Variants in DNAH1 observed in about 807,000 individuals in gnomAD.
DNAH1 encodes axonemal beta dynein heavy chain 1.
In DNAH1, 327 loss-of-function variants were observed where a neutral mutation model predicts 484.3. The ratio of observed to expected loss-of-function variants is 0.68; its 90% CI spans 0.62 to 0.74. The LOEUF is 0.74. Among genes scored for constraint, DNAH1 ranks in the 30% least tolerant of loss-of-function variants. DNAH1 has a pLI of 0.00. For missense variants in DNAH1, 5,052 were observed against 5,546.8 expected (o/e 0.91, Z 2.83); for synonymous variants, 2,192 against 2,191.9 (o/e 1.00, Z 0.00).
intron 46 of DNAH1, among the ~76,000 whole-genome samples, 167 bp from the exon 47 acceptor site, chr3:52,378,435 T>G (rs1344625755): frequency 1.4e-5 from 2 of 146,646 alleles, no homozygotes; most frequent in African/African-American, 5.1e-5. Context: ...TCCCCCAAGC[T>G]GGGGGCATCC....
At position 52,396,537 on chromosome 3, in the gene DNAH1, A is replaced by G. The variant is rs1474847596; in HGVS notation, c.11429A>G (p.Lys3810Arg). ...GAAGACTTCCTCAACTCCTGCCACA[A>G]GGTGAGGCACACTTGGTGCAGGCCT... ...LGEDFLNSCH[K>R]VMEFKSLLLS... Residue 3810 changes from lysine (K) to arginine (R), a missense_variant and splice_region_variant, in exon 71 of 78, where the codon AAG becomes AGG. Transcript: ENST00000420323. 3 of 1,612,598 alleles carry G rather than the reference A, an allele frequency of 1.9e-6. No individual in the cohort carries two copies. Among genetic ancestry groups the G allele is most frequent in the South Asian group, 2.2e-5 (2 of 90,956 alleles).
rs532814079 is a variant in DNAH1 at position 52,389,295 on chromosome 3, G to A, written c.9496-166G>A. Reference sequence around the variant, plus strand: ...CCCGTTTCACAGATGAAGGGCTGAGGTTTGTGGAGGCCAAGAAAGTCACCC... The same window carrying A: ...CCCGTTTCACAGATGAAGGGCTGAGATTTGTGGAGGCCAAGAAAGTCACCC... On this transcript the variant is annotated intron_variant, in intron 59 of 77. Transcript: ENST00000420323. Among the ~76,000 whole-genome samples the A allele has an allele frequency of 3.3e-5, 5 of 152,092 alleles. No homozygotes were observed. The Admixed American group carries it at 3.3e-4, about 10-fold the overall frequency.
chr3:52,384,138 G>T (rs1703992917), intron 52 of DNAH1, 107 bp downstream of exon 52: 3 of 1,218,368 alleles, frequency 2.5e-6, no homozygotes, highest in African/African-American at 3.1e-5. Flanking sequence ...ACCACCGAGG[G>T]TAAGCTTTTG....
chr3:52,390,152 G>T (rs569846651), intron 60 of DNAH1, among the ~76,000 whole-genome samples: 6 of 152,196 alleles, frequency 3.9e-5, no homozygotes, highest in Middle Eastern at 3.4e-3. Context: ...TTGGGTGGAG[G>T]TTGAGAAACA....
intron 44 of DNAH1, chr3:52,374,257 T>C: frequency 6.7e-7 from 1 of 1,494,204 alleles, no homozygotes; most frequent in Non-Finnish European, 9.3e-7. Flanking sequence ...GTATAATTAA[T>C]GGATTTGCCT....
At chr3:52,338,946 A>G (rs1002404086) in intron 8 of DNAH1, among the ~76,000 whole-genome samples, 2 of 151,326 alleles carry the variant, frequency 1.3e-5, no homozygotes, top group African/African-American at 4.9e-5. Flanking sequence ...AGGCAGGAGA[A>G]TTGCTTGAAC....
chr3:52,348,000 C>A, intron 12 of DNAH1, 26 bp downstream of exon 12: 1 of 1,588,228 alleles, frequency 6.3e-7, no homozygotes, highest in South Asian at 1.1e-5. Context: ...TGAGCAGGCC[C>A]CAGGCACCTG....
intron 9 of DNAH1, 87 bp from the exon 10 acceptor site, chr3:52,345,408 C>A: frequency 8.8e-7 from 1 of 1,138,592 alleles, no homozygotes; most frequent in Non-Finnish European, 1.3e-6. Flanking sequence ...GAGTCATGGC[C>A]CTCCTTCAAG....
Position 52,345,440 on chromosome 3 carries a change from C to T in DNAH1, c.1445-55C>T, listed in dbSNP as rs904677146. Reference sequence around the variant, plus strand: ...CAAGCACCCTGTGGATCTGTCCTGTCCCCTGGTTTGGCCAGGCAGGGTCTG... The same window carrying T: ...CAAGCACCCTGTGGATCTGTCCTGTTCCCTGGTTTGGCCAGGCAGGGTCTG... On this transcript the variant is annotated intron_variant, in intron 9 of 77. Transcript: ENST00000420323. 1.3e-5 allele frequency: 19 copies of T among 1,456,794 alleles called. No individual in the cohort carries two copies. The East Asian group carries it at 3.7e-4, about 28-fold the overall frequency. The allele number at this position is 1,456,794 out of a possible 1,614,324, so 90.2% of individuals were successfully genotyped here. A position where few individuals can be genotyped will look rare whatever the true frequency, so the allele number is the denominator to read the frequency against.
Position 52,350,572 on chromosome 3 carries a change from C to T in DNAH1, c.2711C>T (p.Ser904Leu). Residue 904 changes from serine (S) to leucine (L), a missense_variant, in exon 16 of 78, where the codon TCA (serine) becomes TTA (leucine). Coordinates refer to ENST00000420323, the MANE Select transcript of DNAH1 (RefSeq NM_015512.5). Reference sequence around the variant, plus strand: ...GATGAATTCCTCTACAACCTCAGCTCAGATGACTTCAATGACAAGTGAGTG... The same window carrying T: ...GATGAATTCCTCTACAACCTCAGCTTAGATGACTTCAATGACAAGTGAGTG... ...VMDEFLYNLS[S>L]DDFNDKWIAS... 1 of 1,613,842 alleles carries T rather than the reference C, an allele frequency of 6.2e-7. No homozygotes were observed. Among genetic ancestry groups the T allele is most frequent in the Non-Finnish European group, 8.5e-7 (1 of 1,179,800 alleles).
intron 34 of DNAH1, among the ~76,000 whole-genome samples, chr3:52,365,862 A>G (rs1578149278): frequency 6.6e-6 from 1 of 152,298 alleles, no homozygotes; most frequent in East Asian, 1.9e-4. Context: ...GGCTTGTTGA[A>G]TGAAGCCTCA....
At chr3:52,334,882 T>C (rs547936572) in intron 8 of DNAH1, among the ~76,000 whole-genome samples, 6 of 151,452 alleles carry the variant, frequency 4.0e-5, no homozygotes, top group Non-Finnish European at 8.8e-5. Flanking sequence ...AGAGTCTCGC[T>C]CTGTCGCCCA....
At position 52,352,710 on chromosome 3, in the gene DNAH1, AG is replaced by A; in HGVS notation, c.3027+5del. ...TCTTCAGCTTGCCCATCACCAATGT[AG>A]GCCTCCTGCAGGCACCCTGCCCCCA... is the stretch of plus-strand genomic sequence containing the variant. On this transcript the variant is annotated splice_donor_region_variant and intron_variant, in intron 18 of 77. Transcript: ENST00000420323. 1 of 1,607,740 alleles carries A rather than the reference AG, an allele frequency of 6.2e-7. No individual in the cohort carries two copies. Among genetic ancestry groups the A allele is most frequent in the South Asian group, 1.1e-5 (1 of 90,834 alleles).
rs756066086 is a variant in DNAH1 at position 52,388,604 on chromosome 3, G to T, written c.9358G>T (p.Gly3120Cys). The T allele has an allele frequency of 4.3e-6, 7 of 1,612,114 alleles. No homozygotes were observed. The highest frequency in any genetic ancestry group is 5.9e-6 in the Non-Finnish European group (7 of 1,179,496). Reference protein sequence around the residue: ...EQCEQRLGRAGKLINGLSDEK... With the variant: ...EQCEQRLGRACKLINGLSDEK... ...GTGTGAGCAGCGGCTGGGCCGAGCTGGCAAGGTGCGCACCCTCCTCCTGCA... is the reference window on the plus strand; with the variant it reads ...GTGTGAGCAGCGGCTGGGCCGAGCTTGCAAGGTGCGCACCCTCCTCCTGCA... The change falls in exon 58 of 78, where the codon GGC (glycine) becomes TGC (cysteine). Residue 3120 changes from glycine to cysteine, a missense_variant. Transcript: ENST00000420323.
chr3:52,366,603 T>TA, intron 35 of DNAH1, 55 bp downstream of exon 35: 1 of 1,556,714 alleles, frequency 6.4e-7, no homozygotes, highest in Non-Finnish European at 8.7e-7. Flanking sequence ...TGTAGGGGGG[T>TA]GCAGCTTCAA....
At chr3:52,342,655 CA>C (rs1368682914) in intron 8 of DNAH1, among the ~76,000 whole-genome samples, 1 of 152,132 alleles carries the variant, frequency 6.6e-6, no homozygotes, top group Admixed American at 6.5e-5. Flanking sequence ...GTTGCACATC[CA>C]GTAGCAGGAA....
chr3:52,371,163 C>G (rs1346652359), intron 41 of DNAH1, among the ~76,000 whole-genome samples: 1 of 152,224 alleles, frequency 6.6e-6, no homozygotes, highest in Non-Finnish European at 1.5e-5. Context: ...CCCCATTTTC[C>G]CAGAGACTGG....
At chr3:52,354,803 G>T in intron 20 of DNAH1, 40 bp from the exon 21 acceptor site, 1 of 1,603,840 alleles carries the variant, frequency 6.2e-7, no homozygotes, top group Non-Finnish European at 8.5e-7. Context: ...ATCAGGACCA[G>T]CCCCTCCCAG....
intron 3 of DNAH1, among the ~76,000 whole-genome samples, chr3:52,325,573 C>A (rs1701305652): frequency 6.6e-6 from 1 of 152,212 alleles, no homozygotes; most frequent in African/African-American, 2.4e-5. Flanking sequence ...CACCAACTCC[C>A]CTTCCCCCAG....
Sources: gnomAD v4.1 joint callset for allele counts (sites outside exome capture counted in the v4.1 genomes callset) on GRCh38, gnomAD v4.1.1 for gene constraint, MANE v1.5 for transcripts, NCBI Gene and HGNC (gene_info 2026-07-23, HGNC 2026-07-21) for gene names.